The following KANSL3 variants were observed in gnomAD, a reference collection of about 807,000 sequenced individuals.
The protein encoded by KANSL3 is KAT8 regulatory NSL complex subunit 3.
KANSL3 carries 16 observed loss-of-function variants against 89.2 expected under a neutral mutation model. That is an observed-to-expected ratio of 0.18 (90% CI 0.12 to 0.27). The LOEUF (loss-of-function observed/expected upper bound fraction) is 0.27, where lower values mean the gene tolerates loss of function less well. Among genes scored for constraint, KANSL3 ranks in the 10% least tolerant of loss-of-function variants. The probability of loss-of-function intolerance (pLI) is 1.00; values close to 1 mark genes in which losing one functional copy is unlikely to be tolerated. For missense variants in KANSL3, 879 were observed against 1,110.6 expected, an observed-to-expected ratio of 0.79 and a Z score of 2.96; for synonymous variants, 385 against 419.7, an observed-to-expected ratio of 0.92 and a Z score of 1.01.
intron 15 of KANSL3, 149 bp from the exon 16 acceptor site, chr2:96,605,012 G>T: frequency 1.5e-6 from 1 of 664,896 alleles, no homozygotes; most frequent in East Asian, 2.8e-5. Flanking sequence ...GAGAGTTGGG[G>T]TTATTTTTTC....
chr2:96,601,894 C>G, intron 19 of KANSL3, 118 bp from the exon 20 acceptor site: 2 of 1,419,300 alleles, frequency 1.4e-6, no homozygotes, highest in Non-Finnish European at 1.9e-6. Context: ...TCCTCCCCAG[C>G]TGGGTCATCT....
intron 13 of KANSL3, 72 bp from the exon 14 acceptor site, chr2:96,608,736 TGGAA>T (rs2068385608): frequency 1.3e-6 from 2 of 1,595,962 alleles, no homozygotes; most frequent in African/African-American, 2.7e-5. Flanking sequence ...CATGTCCCTC[TGGAA>T]TTCCCCTTGT....
At chr2:96,618,223 C>A (rs1053162765) in intron 5 of KANSL3, among the ~76,000 whole-genome samples, 1 of 149,984 alleles carries the variant, frequency 6.7e-6, no homozygotes, top group Admixed American at 6.6e-5. Flanking sequence ...CTCTCTCTCT[C>A]TCTTTCTTAG....
Position 96,619,428 on chromosome 2 carries a change from G to A in KANSL3, c.594C>T (p.Thr198=). The part of the protein sequence containing the change: ...DTKLIQWLHT[T]LVETLSLPML... Reference sequence around the variant, plus strand: ...TGGGCAGACTCAAGGTCTCCACAAGGGTGGTGTGCAGCCACTGGATCAGCT... The same window carrying A: ...TGGGCAGACTCAAGGTCTCCACAAGAGTGGTGTGCAGCCACTGGATCAGCT... Residue 198 remains threonine, a synonymous_variant, in exon 5 of 21, where the codon ACC becomes ACT. Transcript: ENST00000431828. 6.2e-7 allele frequency: 1 copy of A among 1,613,874 alleles called. No individual in the cohort carries two copies. Among genetic ancestry groups the A allele is most frequent in the Admixed American group, 1.7e-5 (1 of 60,024 alleles).
chr2:96,616,489 T>C (rs962812767), intron 5 of KANSL3, among the ~76,000 whole-genome samples: 1 of 152,210 alleles, frequency 6.6e-6, no homozygotes, highest in African/African-American at 2.4e-5. Flanking sequence ...CTCTTTATCA[T>C]AATGGATCTA....
chr2:96,598,179 G>A, intron 20 of KANSL3: 1 of 972,438 alleles, frequency 1.0e-6, no homozygotes, highest in East Asian at 1.1e-4. Flanking sequence ...AGGCCCAAAT[G>A]GCTTTGTAGG....
At chr2:96,589,143 C>T (rs971193919), downstream of KANSL3, among the ~76,000 whole-genome samples, 1 of 152,098 alleles carries the variant, frequency 6.6e-6, no homozygotes, top group African/African-American at 2.4e-5. Context: ...AAGTAACCCA[C>T]TTACAGGCAG....
downstream of KANSL3, among the ~76,000 whole-genome samples, chr2:96,592,958 G>A (rs1355335019): frequency 4.6e-5 from 7 of 151,666 alleles, no homozygotes; most frequent in Admixed American, 2.0e-4. Flanking sequence ...AGCCAAGATC[G>A]CGCCATTGCA....
chr2:96,611,851 T>A (rs1029774024), intron 9 of KANSL3, among the ~76,000 whole-genome samples: 1 of 151,420 alleles, frequency 6.6e-6, no homozygotes, highest in Non-Finnish European at 1.5e-5. Context: ...ATGGTACTTA[T>A]GTTTAGAGAA....
At chr2:96,602,388 C>T (rs1254036294) in intron 18 of KANSL3, 50 bp from the exon 19 acceptor site, 2 of 1,424,130 alleles carry the variant, frequency 1.4e-6, no homozygotes, top group Admixed American at 2.0e-5. Context: ...CCAACAGCAA[C>T]ATTCGAGCTT....
At chr2:96,618,650 T>C (rs1044381038) in intron 5 of KANSL3, among the ~76,000 whole-genome samples, 4 of 152,212 alleles carry the variant, frequency 2.6e-5, no homozygotes, top group Admixed American at 2.0e-4. Flanking sequence ...ATTAACTAAT[T>C]TAATTTTCAT....
intron 2 of KANSL3, among the ~76,000 whole-genome samples, chr2:96,633,447 T>C (rs1247016005): frequency 2.0e-5 from 3 of 151,696 alleles, no homozygotes; most frequent in African/African-American, 7.3e-5. Flanking sequence ...CACGTGCCTG[T>C]AGTCCCAGCT....
At chr2:96,595,779 A>G in intron 20 of KANSL3, 148 bp from the exon 21 acceptor site, 1 of 915,792 alleles carries the variant, frequency 1.1e-6, no homozygotes, top group Non-Finnish European at 1.6e-6. Flanking sequence ...ACAAGGACAC[A>G]TGTTCTAGCT....
At chr2:96,631,007 G>C (rs547808345) in intron 3 of KANSL3, among the ~76,000 whole-genome samples, 16 of 152,246 alleles carry the variant, frequency 1.1e-4, no homozygotes, top group Non-Finnish European at 1.6e-4. Flanking sequence ...TTATACAACA[G>C]AAGCTACTAC....
chr2:96,615,187 A>AAAAAAAAAAAAAAAAAAC, intron 5 of KANSL3: 1 of 149,332 alleles, frequency 6.7e-6, no homozygotes, highest in Non-Finnish European at 1.5e-5. Context: ...AAAAAAAAAA[A>AAAAAAAAAAAAAAAAAAC]AGACAAAATG....
chr2:96,605,352 G>T lies in KANSL3; in HGVS notation c.1901C>A (p.Pro634His), dbSNP rs775915667. 4 of 1,613,080 alleles carry T rather than the reference G, an allele frequency of 2.5e-6. No individual in the cohort carries two copies. The highest frequency in any genetic ancestry group is 3.4e-6 in the Non-Finnish European group (4 of 1,179,558). The change falls in exon 15 of 21, where the codon CCT becomes CAT. Residue 634 changes from proline to histidine, a missense_variant. By Grantham distance (77) the Pro-to-His change is moderately conservative. This residue lies in a region of KANSL3 where 317 missense variants were observed against 311.2 expected (regional missense o/e 1.02). Transcript: ENST00000431828. ...AGCACTTCCTTGGGAAGGAGCACAA[G>T]GCCCTCCAGCTGTGTCCCCTTGGGA... ...LISQGDTAGG[P>H]CAPSQGSAPE...
downstream of KANSL3, among the ~76,000 whole-genome samples, chr2:96,590,979 C>T (rs898837439): frequency 2.0e-4 from 31 of 151,484 alleles, no homozygotes; most frequent in Admixed American, 1.6e-3. Context: ...CAGCAAGACT[C>T]CGTCTCAAAA....
chr2:96,604,972 ATG>A, intron 15 of KANSL3, 109 bp from the exon 16 acceptor site: 2 of 838,688 alleles, frequency 2.4e-6, no homozygotes, highest in Non-Finnish European at 3.7e-6. Flanking sequence ...AAACTGGAAA[ATG>A]AAAAAAGATG....
At chr2:96,635,776 G>T (rs1033974375) in intron 2 of KANSL3, among the ~76,000 whole-genome samples, 1 of 152,300 alleles carries the variant, frequency 6.6e-6, no homozygotes, top group African/African-American at 2.4e-5. Context: ...ATTGCCTGAG[G>T]TCAGGAGTTC....
Sources: allele counts gnomAD v4.1 joint callset (sites outside exome capture counted in the v4.1 genomes callset), GRCh38; gene constraint gnomAD v4.1.1; regional missense constraint gnomAD v4.1.1; transcripts MANE v1.5; gene names NCBI Gene and HGNC (gene_info 2026-07-23, HGNC 2026-07-21).